The following MAST4 variants were observed in gnomAD, a reference collection of about 807,000 sequenced individuals.
MAST4 encodes the protein microtubule-associated serine/threonine-protein kinase 4.
Under a neutral mutation model 162.7 loss-of-function variants are expected in MAST4, and 89 were observed. That is an observed-to-expected ratio of 0.55 (90% CI 0.46 to 0.65). The LOEUF (loss-of-function observed/expected upper bound fraction) is 0.65. Among genes scored for constraint, MAST4 ranks in the 30% least tolerant of loss-of-function variants. The pLI, the probability that MAST4 is intolerant of heterozygous loss-of-function variation, is 0.00. For synonymous variants in MAST4, 1,479 were observed against 1,361.1 expected, an observed-to-expected ratio of 1.09 and a Z score of -1.91; for missense variants, 3,153 against 3,374.0, an observed-to-expected ratio of 0.93 and a Z score of 1.62.
chr5:66,773,236 A>T (rs1168772342), intron 2 of MAST4, among the ~76,000 whole-genome samples: 1 of 152,246 alleles, frequency 6.6e-6, no homozygotes, highest in Admixed American at 6.5e-5. Flanking sequence ...TGTTTCTGAT[A>T]TATTAATGAC....
intron 3 of MAST4, among the ~76,000 whole-genome samples, chr5:66,848,008 T>C (rs1759012537): frequency 6.6e-6 from 1 of 152,098 alleles, no homozygotes; most frequent in Non-Finnish European, 1.5e-5. Context: ...CAAAACCTCT[T>C]GCTGGACTTT....
intron 2 of MAST4, among the ~76,000 whole-genome samples, chr5:66,777,588 A>G (rs1561323837): frequency 6.6e-6 from 1 of 152,192 alleles, no homozygotes; most frequent in Non-Finnish European, 1.5e-5. Flanking sequence ...TTATGAGTTT[A>G]GAAATTAAGG....
chr5:67,047,514 C>G (rs545984848), intron 4 of MAST4, among the ~76,000 whole-genome samples: 2 of 152,342 alleles, frequency 1.3e-5, no homozygotes, highest in South Asian at 4.1e-4. Flanking sequence ...ATTGTGAACT[C>G]CCACCCCTGC....
At chr5:66,706,953 G>A (rs946735317) in intron 1 of MAST4, among the ~76,000 whole-genome samples, 9 of 152,140 alleles carry the variant, frequency 5.9e-5, no homozygotes, top group Non-Finnish European at 1.2e-4. Context: ...AAGAAACTGC[G>A]GATGCCGTGC....
At chr5:66,847,424 G>A (rs1029956543) in intron 3 of MAST4, among the ~76,000 whole-genome samples, 2 of 152,164 alleles carry the variant, frequency 1.3e-5, no homozygotes, top group African/African-American at 2.4e-5. Context: ...CCTGAGATCA[G>A]GAGTTCAAGA....
At chr5:66,817,687 A>G (rs1756797594) in intron 3 of MAST4, among the ~76,000 whole-genome samples, 1 of 152,198 alleles carries the variant, frequency 6.6e-6, no homozygotes, top group South Asian at 2.1e-4. Context: ...TTATTTTATT[A>G]GGTGATAATG....
chr5:66,953,622 C>G (rs767796183), intron 4 of MAST4, among the ~76,000 whole-genome samples: 3 of 152,144 alleles, frequency 2.0e-5, no homozygotes, highest in Middle Eastern at 3.4e-3. Flanking sequence ...TAATATTCCC[C>G]GAGAAGAAAT....
chr5:66,936,953 C>T (rs762244040), intron 4 of MAST4, among the ~76,000 whole-genome samples: 1 of 152,176 alleles, frequency 6.6e-6, no homozygotes, highest in Non-Finnish European at 1.5e-5. Flanking sequence ...TGCCCTCTCT[C>T]CTCCTCACTA....
intron 5 of MAST4, among the ~76,000 whole-genome samples, chr5:67,080,396 C>A (rs1444443646): frequency 6.6e-6 from 1 of 152,110 alleles, no homozygotes; most frequent in Non-Finnish European, 1.5e-5. Context: ...CTGAAGGATT[C>A]AACACCTTGC....
At chr5:66,789,638 A>T in intron 3 of MAST4, 1 of 487,656 alleles carries the variant, frequency 2.1e-6, no homozygotes, top group Non-Finnish European at 4.1e-6. Flanking sequence ...CCTCTTAAGG[A>T]ATGAGGTCTG....
intron 4 of MAST4, chr5:66,959,247 C>A: frequency 1.3e-6 from 1 of 779,692 alleles, no homozygotes; most frequent in South Asian, 1.3e-5. Flanking sequence ...ATATAACAAC[C>A]ATGAAAGCCC....
At chr5:66,658,009 G>A (rs987005217) in intron 1 of MAST4, among the ~76,000 whole-genome samples, 3 of 152,216 alleles carry the variant, frequency 2.0e-5, no homozygotes, top group Admixed American at 6.5e-5. Context: ...GTGTACGCAT[G>A]TATATATTTA....
Position 66,808,801 on chromosome 5 carries a change from C to G in MAST4, c.642+20007C>G, listed in dbSNP as rs139130312. ...TTCTGTGTTCTGGTGGAATCGTGTT[C>G]AGGTGATTTAAACAAAATCTGGAGC... On this transcript the variant is annotated intron_variant, in intron 3 of 28. Coordinates refer to ENST00000403625, the MANE Select transcript of MAST4 (RefSeq NM_001164664.2). Among the ~76,000 whole-genome samples the G allele has an allele frequency of 1.1e-4, 17 of 152,276 alleles. No homozygotes were observed. In the East Asian group the frequency reaches 3.3e-3, roughly 29 times the overall value.
chr5:66,667,370 C>A (rs1007670805), intron 1 of MAST4, among the ~76,000 whole-genome samples: 1 of 152,188 alleles, frequency 6.6e-6, no homozygotes, highest in Non-Finnish European at 1.5e-5. Flanking sequence ...TAATACACTA[C>A]TGTACTGTAA....
chr5:67,056,993 G>A (rs557677330), intron 5 of MAST4, among the ~76,000 whole-genome samples: 8 of 152,158 alleles, frequency 5.3e-5, no homozygotes, highest in African/African-American at 1.9e-4. Flanking sequence ...ACGAGCCACC[G>A]CACCGCACCC....
intron 4 of MAST4, among the ~76,000 whole-genome samples, chr5:67,030,681 TA>T: frequency 6.6e-6 from 1 of 152,272 alleles, no homozygotes; most frequent in Non-Finnish European, 1.5e-5. Context: ...TTTAAAACAT[TA>T]AAACCATACA....
chr5:67,166,812 A>G lies in MAST4; in HGVS notation c.7633A>G (p.Ser2545Gly), dbSNP rs758737257. 2.9e-5 allele frequency: 47 copies of G among 1,603,702 alleles called. No individual in the cohort carries two copies. The highest frequency in any genetic ancestry group is 3.9e-5 in the Non-Finnish European group (46 of 1,175,940). ...CGACCCAAACACCATGGGCGGGGCC[A>G]GCCACCGGGACAGGGCTCTCTCGGT... ...HPDPNTMGGA[S>G]HRDRALSVTA... The change falls in exon 29 of 29, where the codon AGC becomes GGC. Residue 2545 changes from serine (S) to glycine (G), a missense_variant. By Grantham distance (56) the Ser-to-Gly change is moderately conservative. This residue lies in a region of MAST4 where 1,644 missense variants were observed against 1,495.0 expected (regional missense o/e 1.10). Coordinates refer to ENST00000403625, the MANE Select transcript of MAST4 (RefSeq NM_001164664.2).
Position 67,054,369 on chromosome 5 carries a change from C to A in MAST4, c.675-35C>A, listed in dbSNP as rs966954127. 5 of 1,543,638 alleles carry A rather than the reference C, an allele frequency of 3.2e-6. No homozygotes were observed. The African/African-American group carries it at 6.9e-5, about 21-fold the overall frequency. ...GGTTGAACATTATTGATGCTATATT[C>A]TTTTTAAACTTTGTTTTTTCTTTCT... On this transcript the variant is annotated intron_variant, in intron 4 of 28. Coordinates refer to ENST00000403625, the MANE Select transcript of MAST4 (RefSeq NM_001164664.2).
intron 1 of MAST4, among the ~76,000 whole-genome samples, chr5:66,650,543 A>G (rs566786404): frequency 1.3e-5 from 2 of 152,352 alleles, no homozygotes; most frequent in Admixed American, 6.5e-5. Context: ...ATAATGTAAC[A>G]TAAGTTATGA....
Sources: allele counts gnomAD v4.1 joint callset (sites outside exome capture counted in the v4.1 genomes callset), GRCh38; gene constraint gnomAD v4.1.1; regional missense constraint gnomAD v4.1.1; transcripts MANE v1.5; gene names NCBI Gene and HGNC (gene_info 2026-07-23, HGNC 2026-07-21).